IL1RAPL2: variants seen among roughly 807,000 people sequenced by gnomAD.
The protein encoded by IL1RAPL2 is X-linked interleukin-1 receptor accessory protein-like 2.
Under a neutral mutation model 44.1 loss-of-function variants are expected in IL1RAPL2, and 3 were observed. That is an observed-to-expected ratio of 0.07 (90% confidence interval 0.03 to 0.18). IL1RAPL2 has a LOEUF of 0.18. Among genes scored for constraint, IL1RAPL2 ranks in the 10% least tolerant of loss-of-function variants. IL1RAPL2 has a pLI of 1.00. For missense variants in IL1RAPL2, 391 were observed against 496.4 expected, an observed-to-expected ratio of 0.79 and a Z score of 2.02; for synonymous variants, 181 against 178.8, an observed-to-expected ratio of 1.01 and a Z score of -0.10.
chrX:105,076,571 G>C (rs746570492), intron 2 of IL1RAPL2, among the ~76,000 whole-genome samples: 1 of 111,184 alleles, frequency 9.0e-6, no homozygotes, highest in East Asian at 2.8e-4. Flanking sequence ...GCTTGGTGCA[G>C]AGCTGAGTTC....
At chrX:105,365,522 G>A (rs1449329274) in intron 5 of IL1RAPL2, among the ~76,000 whole-genome samples, 1 of 111,156 alleles carries the variant, frequency 9.0e-6, no homozygotes, top group Non-Finnish European at 1.9e-5. Context: ...AAAACCAACA[G>A]ACTCTTGGCT....
Position 105,198,801 on chromosome X carries a change from G to A in IL1RAPL2, c.356+3053G>A, listed in dbSNP as rs782474583. 6.3e-5 allele frequency among the ~76,000 whole-genome samples: 7 copies of A among 111,360 alleles called. No homozygotes were observed. The East Asian group carries it at 1.7e-3, about 27-fold the overall frequency. On this transcript the variant is annotated intron_variant, in intron 3 of 10. Coordinates refer to ENST00000372582, the MANE Select transcript of IL1RAPL2 (RefSeq NM_017416.2). ...ATAGTTTGTAGAATGGTCCTCAACT[G>A]AGATTTATCTGATATTTTTCTCATG...
intron 6 of IL1RAPL2, among the ~76,000 whole-genome samples, chrX:105,603,376 G>C (rs2037268330): frequency 9.0e-6 from 1 of 110,912 alleles, no homozygotes; most frequent in Non-Finnish European, 1.9e-5. Context: ...AAATGAGCAG[G>C]AGTAGCTATA....
At chrX:105,547,631 C>G (rs1270975657) in intron 6 of IL1RAPL2, among the ~76,000 whole-genome samples, 1 of 111,913 alleles carries the variant, frequency 8.9e-6, no homozygotes, top group Non-Finnish European at 1.9e-5. Flanking sequence ...AATCTGGGCT[C>G]ATTCATATGT....
chrX:104,603,968 A>T (rs1377342693), intron 1 of IL1RAPL2, among the ~76,000 whole-genome samples: 1 of 111,162 alleles, frequency 9.0e-6, no homozygotes, highest in Non-Finnish European at 1.9e-5. Context: ...CCACAAAGAT[A>T]CTCCTTGAGA....
intron 1 of IL1RAPL2, among the ~76,000 whole-genome samples, chrX:104,608,185 C>G (rs1321956982): frequency 9.1e-6 from 1 of 110,225 alleles, no homozygotes; most frequent in African/African-American, 3.3e-5. Context: ...ACAATGAGAA[C>G]ACATGGACAC....
At chrX:104,809,547 G>A (rs1231588087) in intron 2 of IL1RAPL2, among the ~76,000 whole-genome samples, 1 of 110,117 alleles carries the variant, frequency 9.1e-6, no homozygotes, top group African/African-American at 3.3e-5. Context: ...GTCTGTTCAT[G>A]TCCTTCACCC....
chrX:104,923,436 C>T (rs1924694650), intron 2 of IL1RAPL2, among the ~76,000 whole-genome samples: 1 of 111,889 alleles, frequency 8.9e-6, no homozygotes, highest in Non-Finnish European at 1.9e-5. Context: ...TAAAGGAAAT[C>T]CCATCAGACT....
At chrX:105,202,259 C>G (rs2033723829) in intron 3 of IL1RAPL2, among the ~76,000 whole-genome samples, 1 of 112,259 alleles carries the variant, frequency 8.9e-6, no homozygotes, top group Admixed American at 9.4e-5. Context: ...TATTTGATAA[C>G]CACAAAAGAA....
intron 7 of IL1RAPL2, among the ~76,000 whole-genome samples, chrX:105,732,232 T>C (rs1254883421): frequency 9.0e-6 from 1 of 111,158 alleles, no homozygotes; most frequent in Non-Finnish European, 1.9e-5. Flanking sequence ...CATTTTATAT[T>C]ATTCTATTTT....
At chrX:105,166,478 AC>A (rs912803906) in intron 2 of IL1RAPL2, among the ~76,000 whole-genome samples, 3 of 112,207 alleles carry the variant, frequency 2.7e-5, no homozygotes, top group African/African-American at 6.5e-5. Flanking sequence ...CCTTATTTTT[AC>A]ATTTGTAACA....
At chrX:104,757,875 C>T (rs1275354584) in intron 2 of IL1RAPL2, among the ~76,000 whole-genome samples, 2 of 111,785 alleles carry the variant, frequency 1.8e-5, no homozygotes, top group Non-Finnish European at 3.8e-5. Context: ...ACAGTCCCTT[C>T]CACATGCTTA....
chrX:104,777,856 C>T (rs1262613921), intron 2 of IL1RAPL2, among the ~76,000 whole-genome samples: 4 of 110,649 alleles, frequency 3.6e-5, no homozygotes, highest in Non-Finnish European at 7.6e-5. Context: ...TACTGGTCTG[C>T]TTTCAATTCT....
chrX:104,891,048 A>G (rs1471029559), intron 2 of IL1RAPL2, among the ~76,000 whole-genome samples: 1 of 111,972 alleles, frequency 8.9e-6, no homozygotes, highest in Non-Finnish European at 1.9e-5. Context: ...CCGTTTGTTA[A>G]ATAGGGAATC....
At chrX:104,773,410 T>C (rs1932668638) in intron 2 of IL1RAPL2, among the ~76,000 whole-genome samples, 1 of 111,688 alleles carries the variant, frequency 9.0e-6, no homozygotes, top group African/African-American at 3.3e-5. Context: ...TAACTGAACA[T>C]TGATTATTTT....
intron 5 of IL1RAPL2, among the ~76,000 whole-genome samples, chrX:105,281,078 G>A (rs898277112): frequency 5.4e-5 from 6 of 111,828 alleles, no homozygotes; most frequent in Non-Finnish European, 1.1e-4. Flanking sequence ...GTACACCATG[G>A]AATACTGTGC....
intron 5 of IL1RAPL2, among the ~76,000 whole-genome samples, chrX:105,327,472 G>A (rs760113419): frequency 1.8e-5 from 2 of 112,016 alleles, no homozygotes; most frequent in Non-Finnish European, 3.8e-5. Flanking sequence ...CTGTCACTGT[G>A]TTCATGTGCT....
intron 5 of IL1RAPL2, among the ~76,000 whole-genome samples, chrX:105,458,844 C>G (rs951303144): frequency 9.0e-6 from 1 of 111,277 alleles, no homozygotes; most frequent in Non-Finnish European, 1.9e-5. Flanking sequence ...TCAGACAGGT[C>G]GAATAGAGAC....
chrX:104,894,208 C>T (rs1201504008), intron 2 of IL1RAPL2, among the ~76,000 whole-genome samples: 1 of 111,583 alleles, frequency 9.0e-6, no homozygotes, highest in Non-Finnish European at 1.9e-5. Flanking sequence ...TCTCTGGCTG[C>T]CCTTAACATT....
Sources: gnomAD v4.1 joint callset for allele counts (sites outside exome capture counted in the v4.1 genomes callset) on GRCh38, gnomAD v4.1.1 for gene constraint, MANE v1.5 for transcripts, NCBI Gene and HGNC (gene_info 2026-07-23, HGNC 2026-07-21) for gene names.